The following BST1 variants were observed in gnomAD, a reference collection of about 807,000 sequenced individuals.
BST1 encodes ADP-ribosyl cyclase/cyclic ADP-ribose hydrolase 2.
BST1 carries 49 observed loss-of-function variants against 40.6 expected under a neutral mutation model. The observed-to-expected ratio is 1.21, with a 90% CI of 0.96 to 1.53. The LOEUF (loss-of-function observed/expected upper bound fraction) is 1.53, where lower values mean the gene tolerates loss of function less well. BST1 is among the 40% of genes most tolerant of loss of function. The pLI, the probability that BST1 is intolerant of heterozygous loss-of-function variation, is 0.00. For synonymous variants in BST1, 157 were observed against 159.3 expected (o/e 0.99, Z 0.11); for missense variants, 423 against 395.9 (o/e 1.07, Z -0.58).
chr4:15,751,804 C>G, the BST1 span, among the ~76,000 whole-genome samples: 1 of 151,880 alleles, frequency 6.6e-6, no homozygotes, highest in Non-Finnish European at 1.5e-5. Flanking sequence ...TATAAATATA[C>G]ACTGTAGTCA....
chr4:15,760,377 CT>C, the BST1 span, among the ~76,000 whole-genome samples: 5 of 151,728 alleles, frequency 3.3e-5, no homozygotes, highest in Non-Finnish European at 5.9e-5. Context: ...ATGATAATGC[CT>C]TTATGAACCT....
the BST1 span, among the ~76,000 whole-genome samples, chr4:15,749,673 A>C: frequency 1.3e-5 from 2 of 148,276 alleles, no homozygotes; most frequent in Admixed American, 6.7e-5. Flanking sequence ...AGCAAAGAGT[A>C]CTTTTTATTA....
chr4:15,731,640 C>T, intron 8 of BST1, 100 bp from the exon 9 acceptor site: 3 of 1,446,962 alleles, frequency 2.1e-6, no homozygotes, highest in Non-Finnish European at 2.8e-6. Flanking sequence ...CTTCTCGCTC[C>T]GCGCTAACCA....
intron 1 of BST1, among the ~76,000 whole-genome samples, chr4:15,703,619 C>T (rs1719676190): frequency 8.3e-6 from 1 of 121,160 alleles, no homozygotes; most frequent in South Asian, 2.9e-4. Flanking sequence ...TGCGTGTGTT[C>T]TAGAGGTGAG....
At chr4:15,716,162 A>G (rs1361272619) in intron 6 of BST1, among the ~76,000 whole-genome samples, 2 of 152,152 alleles carry the variant, frequency 1.3e-5, no homozygotes, top group Non-Finnish European at 2.9e-5. Context: ...CTCAGAATTA[A>G]CCTAGGGACT....
the BST1 span, among the ~76,000 whole-genome samples, chr4:15,749,531 G>T: frequency 1.6e-4 from 24 of 152,184 alleles, no homozygotes; most frequent in African/African-American, 5.5e-4. Context: ...CACCGTCCTG[G>T]TCATTTTATT....
chr4:15,721,287 G>A (rs1344145618), intron 7 of BST1, among the ~76,000 whole-genome samples: 1 of 152,198 alleles, frequency 6.6e-6, no homozygotes, highest in Non-Finnish European at 1.5e-5. Flanking sequence ...TCTCCCTGAG[G>A]TTCTTGCCCA....
chr4:15,755,687 T>G, the BST1 span, among the ~76,000 whole-genome samples: 1 of 152,192 alleles, frequency 6.6e-6, no homozygotes, highest in Non-Finnish European at 1.5e-5. Context: ...GATGTCACCT[T>G]CAGTCAATGT....
At position 15,705,525 on chromosome 4, in the gene BST1, T is replaced by A. The variant is rs1304397542; in HGVS notation, c.199T>A (p.Cys67Ser). Residue 67 changes from cysteine to serine, a missense_variant, in exon 2 of 9, where the codon TGC becomes AGC. Coordinates refer to ENST00000265016, the MANE Select transcript of BST1 (RefSeq NM_004334.3). ...TGTACTTTTGCACAGGAACAAGAAC[T>A]GCACAGCCATCTGGGAAGCCTTTAA... ...LLSPEQRNKN[C>S]TAIWEAFKVA... The A allele has an allele frequency of 6.3e-7, 1 of 1,587,590 alleles. No individual in the cohort carries two copies. The highest frequency in any genetic ancestry group is 2.2e-5 in the East Asian group (1 of 44,710).
downstream of BST1, chr4:15,738,463 C>T (rs1288917662): frequency 6.6e-6 from 1 of 152,064 alleles, no homozygotes; most frequent in Non-Finnish European, 1.5e-5. Context: ...AGATGTTAAA[C>T]AGGGTGAGGA....
At chr4:15,704,074 T>G (rs111203807) in intron 1 of BST1, among the ~76,000 whole-genome samples, 2,786 of 138,916 alleles carry the variant, frequency 0.02, 96 homozygotes, top group African/African-American at 0.072. Context: ...AGGTGAGGGG[T>G]GTGTGTGTGT....
At chr4:15,723,423 AT>A (rs1720929687) in intron 8 of BST1, 2 of 371,336 alleles carry the variant, frequency 5.4e-6, no homozygotes, top group Non-Finnish European at 7.4e-6. Flanking sequence ...ATTTTTTTGT[AT>A]TTTTTTGTAG....
chr4:15,728,089 T>C (rs1169717697), intron 8 of BST1, among the ~76,000 whole-genome samples: 2 of 152,056 alleles, frequency 1.3e-5, no homozygotes, highest in Admixed American at 6.5e-5. Flanking sequence ...AGACATATAG[T>C]ACTGGAATGA....
chr4:15,739,614 G>A (rs1285644669), downstream of BST1, among the ~76,000 whole-genome samples: 1 of 148,414 alleles, frequency 6.7e-6, no homozygotes, highest in Non-Finnish European at 1.5e-5. Context: ...CTGCACAAAA[G>A]TAGAAGGGTT....
chr4:15,738,342 T>G (rs1721642948), downstream of BST1: 2 of 152,664 alleles, frequency 1.3e-5, no homozygotes, highest in African/African-American at 4.8e-5. Flanking sequence ...TTTCAGACAC[T>G]TGGGAAAAAG....
At chr4:15,709,214 C>T (rs1173833764) in intron 3 of BST1, among the ~76,000 whole-genome samples, 3 of 152,092 alleles carry the variant, frequency 2.0e-5, no homozygotes, top group Non-Finnish European at 4.4e-5. Context: ...CGAGGGAAAA[C>T]CTCACTGATA....
chr4:15,709,021 T>A (rs1362296930), intron 3 of BST1, among the ~76,000 whole-genome samples: 1 of 152,118 alleles, frequency 6.6e-6, no homozygotes, highest in Admixed American at 6.5e-5. Flanking sequence ...GAATAAAACA[T>A]GAAATTAATA....
At chr4:15,769,555 G>C in the BST1 span, among the ~76,000 whole-genome samples, 2 of 152,148 alleles carry the variant, frequency 1.3e-5, no homozygotes, top group East Asian at 1.9e-4. Context: ...AAGAGCTAGT[G>C]GGGGTGGAGA....
Position 15,703,234 on chromosome 4 carries a change from G to A in BST1, c.90G>A (p.Ala30=). 6.5e-7 allele frequency: 1 copy of A among 1,544,928 alleles called. No individual in the cohort carries two copies. The highest frequency in any genetic ancestry group is 8.7e-7 in the Non-Finnish European group (1 of 1,147,134). The change falls in exon 1 of 9, where the codon GCG becomes GCA. Residue 30 remains alanine (A), a synonymous_variant. Transcript: ENST00000265016. The stretch of plus-strand genomic sequence containing the variant: ...TGTTGCTGCTGGCGGCGGGCGGGGC[G>A]CGCGCGCGGTGGCGCGGGGAGGGCA... ...LLLLLLAAGG[A]RARWRGEGTS...
Sources: gnomAD v4.1 joint callset for allele counts (sites outside exome capture counted in the v4.1 genomes callset) on GRCh38, gnomAD v4.1.1 for gene constraint, MANE v1.5 for transcripts, NCBI Gene and HGNC (gene_info 2026-07-23, HGNC 2026-07-21) for gene names.